RAVER2: variants seen among roughly 807,000 people sequenced by gnomAD.
The protein encoded by RAVER2 is ribonucleoprotein PTB-binding 2.
In RAVER2, 46 loss-of-function variants were observed where a neutral mutation model predicts 78.1. That is an observed-to-expected ratio of 0.59 (90% CI 0.46 to 0.75). RAVER2 has a LOEUF of 0.75. Ranked by LOEUF, RAVER2 falls within the 30% of genes least tolerant of loss-of-function variation. The pLI is 0.00. For missense variants in RAVER2, 793 were observed against 837.5 expected, an observed-to-expected ratio of 0.95 and a Z score of 0.66; for synonymous variants, 311 against 313.3, an observed-to-expected ratio of 0.99 and a Z score of 0.08.
chr1:64,796,901 A>G (rs1653110710), intron 5 of RAVER2, among the ~76,000 whole-genome samples: 1 of 152,092 alleles, frequency 6.6e-6, no homozygotes, highest in Admixed American at 6.5e-5. Context: ...CCTTCTAAGC[A>G]CTGTATCTCA....
At chr1:64,800,444 G>C (rs369559163) in intron 5 of RAVER2, among the ~76,000 whole-genome samples, 1 of 152,076 alleles carries the variant, frequency 6.6e-6, no homozygotes, top group Non-Finnish European at 1.5e-5. Context: ...GTTTTTAATA[G>C]ATTTTGAGTT....
At chr1:64,754,685 G>C (rs577101117) in intron 1 of RAVER2, among the ~76,000 whole-genome samples, 13 of 152,162 alleles carry the variant, frequency 8.5e-5, no homozygotes, top group Non-Finnish European at 1.5e-4. Context: ...TTTCAAGGGG[G>C]TATGGATCTC....
At position 64,758,458 on chromosome 1, in the gene RAVER2, G is replaced by A. The variant is rs542105711; in HGVS notation, c.250-10198G>A. On this transcript the variant is annotated intron_variant, in intron 1 of 11. Coordinates refer to ENST00000294428, the Ensembl canonical transcript of RAVER2. ...AAAAGCAGAGCATTTTCTTGGGCTG[G>A]AAGCCTTAGGGGAAATTCGAGGATT... 3.3e-5 allele frequency among the ~76,000 whole-genome samples: 5 copies of A among 152,252 alleles called. No homozygotes were observed. In the South Asian group the frequency reaches 8.3e-4, roughly 25 times the overall value.
chr1:64,819,451 TTTTA>T (rs1256133750), intron 11 of RAVER2, among the ~76,000 whole-genome samples: 1 of 151,950 alleles, frequency 6.6e-6, no homozygotes, highest in African/African-American at 2.4e-5. Flanking sequence ...GAAAAGAGAT[TTTTA>T]AAAGCACAAT....
intron 1 of RAVER2, among the ~76,000 whole-genome samples, chr1:64,766,171 T>C (rs1652171061): frequency 6.6e-6 from 1 of 152,228 alleles, no homozygotes; most frequent in East Asian, 1.9e-4. Context: ...CAATTTTTAT[T>C]AACTTAACTT....
chr1:64,798,493 C>T (rs144274369), intron 5 of RAVER2, among the ~76,000 whole-genome samples: 3,202 of 151,478 alleles, frequency 0.021, 109 homozygotes, highest in African/African-American at 0.071. Flanking sequence ...CCTGAGGAAT[C>T]GCCACACTGA....
At chr1:64,755,735 T>TTTG (rs1471459952) in intron 1 of RAVER2, among the ~76,000 whole-genome samples, 2 of 142,624 alleles carry the variant, frequency 1.4e-5, no homozygotes, top group African/African-American at 5.2e-5. Context: ...TTTTTTTTTT[T>TTTG]TTTTTTTTTT....
At chr1:64,824,422 A>T (rs1055871036) in intron 11 of RAVER2, among the ~76,000 whole-genome samples, 10 of 152,226 alleles carry the variant, frequency 6.6e-5, no homozygotes, top group African/African-American at 2.4e-4. Context: ...TGTGTTATGT[A>T]ATGAATGCTG....
intron 5 of RAVER2, among the ~76,000 whole-genome samples, chr1:64,790,621 TC>T (rs1009834793): frequency 1.3e-4 from 20 of 152,298 alleles, no homozygotes; most frequent in African/African-American, 4.3e-4. Context: ...GTATTTTCTA[TC>T]CATGAAATTA....
At chr1:64,749,997 A>C (rs1651652735) in intron 1 of RAVER2, among the ~76,000 whole-genome samples, 1 of 152,158 alleles carries the variant, frequency 6.6e-6, no homozygotes, top group African/African-American at 2.4e-5. Context: ...TTTACCCTAA[A>C]ATCTTGAAGA....
At chr1:64,816,212 T>C (rs892548944) in intron 11 of RAVER2, 1 of 152,228 alleles carries the variant, frequency 6.6e-6, no homozygotes, top group Non-Finnish European at 1.5e-5. Flanking sequence ...ATTTATTGTA[T>C]ACTTATATCC....
At chr1:64,831,249 C>T (rs189504167) in exon 12 of RAVER2, 36 of 275,242 alleles carry the variant, frequency 1.3e-4, no homozygotes, top group Non-Finnish European at 2.2e-4. Flanking sequence ...AACAATGTTC[C>T]AATATTCCTT....
chr1:64,803,462 A>G (rs1048308846), intron 6 of RAVER2, among the ~76,000 whole-genome samples: 6 of 152,178 alleles, frequency 3.9e-5, no homozygotes, highest in African/African-American at 1.2e-4. Flanking sequence ...TAACTCATGT[A>G]TATGAGAATA....
intron 1 of RAVER2, among the ~76,000 whole-genome samples, chr1:64,754,200 C>G (rs10889499): frequency 0.18 from 26,711 of 152,096 alleles, 2,806 homozygotes; most frequent in African/African-American, 0.31. Flanking sequence ...AAATTAATGT[C>G]AAACAATTTG....
chr1:64,767,492 T>C (rs1652206096), intron 1 of RAVER2, among the ~76,000 whole-genome samples: 1 of 152,032 alleles, frequency 6.6e-6, no homozygotes, highest in Non-Finnish European at 1.5e-5. Flanking sequence ...GTGATAACTA[T>C]AATAATAGCA....
chr1:64,832,901 AGAAAG>A (rs1272305241), exon 12 of RAVER2: 1 of 153,330 alleles, frequency 6.5e-6, no homozygotes, highest in Non-Finnish European at 1.5e-5. Context: ...AACAAACAGA[AGAAAG>A]GAAAGATGGT....
At chr1:64,748,900 C>T (rs1008030778) in intron 1 of RAVER2, among the ~76,000 whole-genome samples, 2 of 152,056 alleles carry the variant, frequency 1.3e-5, no homozygotes, top group African/African-American at 2.4e-5. Context: ...TGCGGTGGAA[C>T]GATCACTGCT....
exon 12 of RAVER2, chr1:64,830,909 A>G: frequency 6.2e-7 from 1 of 1,613,656 alleles, no homozygotes; most frequent in East Asian, 2.2e-5. Flanking sequence ...GGTTCAGTGG[A>G]ATGTGTTGAC....
intron 9 of RAVER2, among the ~76,000 whole-genome samples, chr1:64,812,058 A>G (rs775718762): frequency 4.3e-4 from 65 of 152,256 alleles, no homozygotes; most frequent in Non-Finnish European, 8.4e-4. Flanking sequence ...AAAAATATTG[A>G]TAACAGGCCA....
Sources: allele counts gnomAD v4.1 joint callset (sites outside exome capture counted in the v4.1 genomes callset), GRCh38; gene constraint gnomAD v4.1.1; transcripts MANE v1.5; gene names NCBI Gene and HGNC (gene_info 2026-07-23, HGNC 2026-07-21).